Variants in SNED1 observed in about 807,000 individuals in gnomAD.
The protein encoded by SNED1 is sushi, nidogen and EGF like domains 1.
In SNED1, 81 loss-of-function variants were observed where a neutral mutation model predicts 166.7. That is an observed-to-expected ratio of 0.49 (90% CI 0.41 to 0.58). The LOEUF is 0.58. Among genes scored for constraint, SNED1 ranks in the 20% least tolerant of loss-of-function variants. The pLI is 0.00. For missense variants in SNED1, 1,604 were observed against 2,000.2 expected (o/e 0.80, Z 3.78); for synonymous variants, 762 against 822.0 (o/e 0.93, Z 1.25).
chr2:241,079,484 A>C (rs1374826761), intron 27 of SNED1, among the ~76,000 whole-genome samples: 1 of 152,078 alleles, frequency 6.6e-6, no homozygotes. Context: ...AAAATGGAGA[A>C]GGGAAATACA....
chr2:241,075,825 T>A lies in SNED1; in HGVS notation c.3916+2461T>A, dbSNP rs2062992313. 6.6e-6 allele frequency: 1 copy of A among 152,094 alleles called. No homozygotes were observed. Among genetic ancestry groups the A allele is most frequent in the Non-Finnish European group, 1.5e-5 (1 of 68,030 alleles). 9.4% of individuals were successfully genotyped at this position (152,094 alleles called of 1,614,324 possible). ...TTTTCACAAAGATGTAAAGTTTTGC[T>A]TTTGACCTGTAGGTCATTAATCTGT... On this transcript the variant is annotated intron_variant, in intron 27 of 31. Coordinates refer to ENST00000310397, the MANE Select transcript of SNED1 (RefSeq NM_001080437.3). The surrounding 1 kb of genome is among the most constrained non-coding windows in gnomAD (Gnocchi z 4.8).
chr2:241,089,187 C>A, intron 31 of SNED1: 1 of 1,068,062 alleles, frequency 9.4e-7, no homozygotes, highest in Non-Finnish European at 1.3e-6. Flanking sequence ...TTCATACTGA[C>A]CATCATTTTT....
chr2:241,073,496 C>A lies in SNED1; in HGVS notation c.3916+132C>A. ...AGAGCCTACCTGAGGGGAGGCTGAGCACCAGGCACCCCGGTGTGGGAAGAT... is the reference window on the plus strand; with the variant it reads ...AGAGCCTACCTGAGGGGAGGCTGAGAACCAGGCACCCCGGTGTGGGAAGAT... On this transcript the variant is annotated intron_variant, in intron 27 of 31. Transcript: ENST00000310397. The surrounding 1 kb of genome is among the most constrained non-coding windows in gnomAD (Gnocchi z 6.6). 1 of 742,598 alleles carries A rather than the reference C, an allele frequency of 1.3e-6. No individual in the cohort carries two copies. The allele number at this position is 742,598 out of a possible 1,614,324, so 46.0% of individuals were successfully genotyped here.
chr2:241,023,888 C>CTTTTTTTTTTTTTT lies in SNED1; in HGVS notation c.214-6390_214-6377dup, dbSNP rs34234341. Among the ~76,000 whole-genome samples, 34 of 91,994 alleles carry CTTTTTTTTTTTTTT rather than the reference C, an allele frequency of 3.7e-4. 1 individual carries two copies. Among genetic ancestry groups the CTTTTTTTTTTTTTT allele is most frequent in the East Asian group, 7.2e-4 (2 of 2,792 alleles). The allele number at this position is 91,994 out of a possible 152,430, so 60.4% of individuals were successfully genotyped here. A position where few individuals can be genotyped will look rare whatever the true frequency, so the allele number is the denominator to read the frequency against. The stretch of plus-strand genomic sequence containing the variant: ...TTCTCTCTTTTTTTCTTTTTTTTTC[C>CTTTTTTTTTTTTTT]TTTTTTTTTTTTTTTTTTTGAGACA... On this transcript the variant is annotated intron_variant, in intron 1 of 31. Transcript: ENST00000310397.
intron 30 of SNED1, 50 bp downstream of exon 30, chr2:241,087,525 G>A: frequency 6.4e-7 from 1 of 1,558,420 alleles, no homozygotes; most frequent in Non-Finnish European, 8.7e-7. Flanking sequence ...AGCCCACAGG[G>A]TGATGGGGCA....
chr2:241,076,024 T>A (rs2063004316), intron 27 of SNED1, among the ~76,000 whole-genome samples: 5 of 152,228 alleles, frequency 3.3e-5, no homozygotes, highest in Admixed American at 3.3e-4. Flanking sequence ...TCTGTGCCAA[T>A]ACTGCCCTGT....
chr2:241,067,764 G>A lies in SNED1; in HGVS notation c.3011G>A (p.Arg1004Gln). Residue 1004 changes from arginine to glutamine, a missense_variant and splice_region_variant, in exon 22 of 32, where the codon CGA becomes CAA. Arg to Gln is a conservative substitution (Grantham distance 43, BLOSUM62 1). Transcript: ENST00000310397. ...SRPAVLLART[R>Q]PRPVEGFEVT... ...CTGCTGAACAGTCCATTCCCCCTAG[G>A]ACCCCGCCCTGTGGAAGGCTTCGAG... The A allele has an allele frequency of 6.2e-7, 1 of 1,603,634 alleles. No individual in the cohort carries two copies. The highest frequency in any genetic ancestry group is 1.3e-5 in the African/African-American group (1 of 74,870).
At chr2:241,012,595 C>T (rs2060445467) in intron 1 of SNED1, among the ~76,000 whole-genome samples, 1 of 152,186 alleles carries the variant, frequency 6.6e-6, no homozygotes, top group Admixed American at 6.5e-5. Flanking sequence ...TTTGGGTCTG[C>T]TATTGTTGTT....
At chr2:241,083,732 A>G (rs943717226) in intron 29 of SNED1, among the ~76,000 whole-genome samples, 2 of 152,170 alleles carry the variant, frequency 1.3e-5, no homozygotes, top group East Asian at 3.9e-4. Flanking sequence ...AAAGCATTCT[A>G]TCCTTTCACT....
intron 28 of SNED1, among the ~76,000 whole-genome samples, 168 bp from the exon 29 acceptor site, chr2:241,082,109 G>A (rs750985394): frequency 4.6e-5 from 7 of 151,874 alleles, no homozygotes; most frequent in Non-Finnish European, 8.8e-5. Flanking sequence ...AACCCACCCC[G>A]GCCTTAGAGG....
intron 8 of SNED1, among the ~76,000 whole-genome samples, chr2:241,047,523 T>C (rs964510756): frequency 6.6e-6 from 1 of 152,244 alleles, no homozygotes; most frequent in Non-Finnish European, 1.5e-5. Context: ...TATTCTCAAG[T>C]GCTCTTGGCC....
At chr2:241,002,657 C>G (rs547746289) in intron 1 of SNED1, among the ~76,000 whole-genome samples, 1 of 152,150 alleles carries the variant, frequency 6.6e-6, no homozygotes, top group African/African-American at 2.4e-5. Context: ...CTGGACCTCA[C>G]AGGCAGCCCC....
intron 27 of SNED1, among the ~76,000 whole-genome samples, chr2:241,078,070 C>T (rs1303122457): frequency 6.6e-6 from 1 of 152,152 alleles, no homozygotes; most frequent in Non-Finnish European, 1.5e-5. Flanking sequence ...GTAGAAACCA[C>T]CAAAGTGTCA....
intron 1 of SNED1, among the ~76,000 whole-genome samples, chr2:241,001,828 A>G (rs1163595973): frequency 1.3e-5 from 2 of 152,154 alleles, no homozygotes; most frequent in Non-Finnish European, 2.9e-5. Context: ...GACCCCCGAC[A>G]GAGCCCTGAG....
chr2:241,036,177 G>A (rs1366413421), intron 4 of SNED1, among the ~76,000 whole-genome samples: 3 of 151,964 alleles, frequency 2.0e-5, no homozygotes, highest in South Asian at 2.1e-4. Context: ...GCAGTCGCAG[G>A]GCGGGAAGAC....
At chr2:241,056,942 A>G (rs1331265338) in intron 16 of SNED1, among the ~76,000 whole-genome samples, 2 of 152,226 alleles carry the variant, frequency 1.3e-5, no homozygotes, top group Non-Finnish European at 2.9e-5. Flanking sequence ...AAACAGGCAA[A>G]CAAGCACATA....
rs1401581443 is a variant in SNED1 at position 241,069,605 on chromosome 2, C to G, written c.3308-315C>G. On this transcript the variant is annotated intron_variant, in intron 23 of 31. Transcript: ENST00000310397. This position sits in a 1 kb window ranked among gnomAD's most constrained non-coding sequence, Gnocchi z 4.9. ...GTGGGGCAGGGGAGTCTGCACAGGG[C>G]TCCACGCAGCCAGGCTCAGGGGAAC... 6.6e-6 allele frequency among the ~76,000 whole-genome samples: 1 copy of G among 152,208 alleles called. No individual in the cohort carries two copies. The highest frequency in any genetic ancestry group is 2.4e-5 in the African/African-American group (1 of 41,450).
rs376117940 is a variant in SNED1, at chr2:241,065,469, C to T, written c.2884C>T (p.Arg962Cys). The change falls in exon 21 of 32, where the codon CGC becomes TGC. Residue 962 changes from arginine to cysteine, a missense_variant. By Grantham distance (180) the Arg-to-Cys change is radical. Around this residue, in one of 2 missense-constraint regions of SNED1, gnomAD observed 1,237 missense variants for 1,620.8 expected, o/e 0.76. Transcript: ENST00000310397. ...CCGCACAGACTTTGTGGACAGGACC[C>T]GCTCCTCGCACCAGCTCCAGGCCCT... ...YRRTDFVDRT[R>C]SSHQLQALAA... is the part of the protein sequence containing the mutation. The T allele has an allele frequency of 4.9e-5, 79 of 1,613,008 alleles. No homozygotes were observed. Among genetic ancestry groups the T allele is most frequent in the African/African-American group, 2.4e-4 (18 of 75,068 alleles).
At chr2:241,054,697 A>C (rs990818610) in intron 16 of SNED1, among the ~76,000 whole-genome samples, 2 of 152,284 alleles carry the variant, frequency 1.3e-5, no homozygotes, top group Admixed American at 6.5e-5. Flanking sequence ...CAGATTAAAA[A>C]CTATAATAGT....
Sources: allele counts gnomAD v4.1 joint callset (sites outside exome capture counted in the v4.1 genomes callset), GRCh38; gene constraint gnomAD v4.1.1; regional missense constraint gnomAD v4.1.1; non-coding constraint Gnocchi (gnomAD v3.1); transcripts MANE v1.5; gene names NCBI Gene and HGNC (gene_info 2026-07-23, HGNC 2026-07-21).